The following DLG1 variants were observed in gnomAD, a reference collection of about 807,000 sequenced individuals.
The protein encoded by DLG1 is discs large MAGUK scaffold protein 1.
Under a neutral mutation model 123.4 loss-of-function variants are expected in DLG1, and 42 were observed. The observed-to-expected ratio is 0.34, with a 90% CI of 0.27 to 0.44. The LOEUF (loss-of-function observed/expected upper bound fraction) is 0.44. Ranked by LOEUF, DLG1 falls within the 20% of genes least tolerant of loss-of-function variation. The pLI, the probability that DLG1 is intolerant of heterozygous loss-of-function variation, is 1.00. For synonymous variants in DLG1, 317 were observed against 356.2 expected, an observed-to-expected ratio of 0.89 and a Z score of 1.24; for missense variants, 942 against 1,082.6, an observed-to-expected ratio of 0.87 and a Z score of 1.82.
In DLG1 at chr3:197,109,549, C is replaced by A. The variant is rs529552851; in HGVS notation, c.1444-4544G>T. 3.3e-5 allele frequency among the ~76,000 whole-genome samples: 5 copies of A among 151,982 alleles called. No individual in the cohort carries two copies. In the South Asian group the frequency reaches 1.0e-3, roughly 32 times the overall value. ...AAAAGAGTTGCATATAAAACAATACCCTTATGTTGTTTTATATTTACCTGT... is the reference window on the plus strand; with the variant it reads ...AAAAGAGTTGCATATAAAACAATACACTTATGTTGTTTTATATTTACCTGT... On this transcript the variant is annotated intron_variant, in intron 13 of 24. Transcript: ENST00000667157.
intron 5 of DLG1, among the ~76,000 whole-genome samples, chr3:197,182,339 T>G (rs1338933158): frequency 6.6e-6 from 1 of 152,166 alleles, no homozygotes; most frequent in African/African-American, 2.4e-5. Flanking sequence ...TTCAATAAGT[T>G]TTGATTGTAA....
intron 4 of DLG1, among the ~76,000 whole-genome samples, chr3:197,248,423 T>C (rs1478206672): frequency 6.6e-6 from 1 of 152,172 alleles, no homozygotes; most frequent in Non-Finnish European, 1.5e-5. Context: ...TGAGAGATGC[T>C]TGGAGACCTT....
At position 197,204,068 on chromosome 3, in the gene DLG1, G is replaced by A. The variant is rs116717224; in HGVS notation, c.319-9479C>T. ...CTTGCTCACAACAGGTAGCTCAAGA[G>A]CCAAGAGCTTTTCTGTTCTCCAGCT... On this transcript the variant is annotated intron_variant, in intron 4 of 24. Transcript: ENST00000667157. 8.0e-3 allele frequency among the ~76,000 whole-genome samples: 1,217 copies of A among 152,282 alleles called. 13 individuals are homozygous for A. Among genetic ancestry groups the A allele is most frequent in the African/African-American group, 0.027 (1,111 of 41,552 alleles).
intron 13 of DLG1, among the ~76,000 whole-genome samples, chr3:197,109,193 C>T (rs1768349140): frequency 6.6e-6 from 1 of 152,088 alleles, no homozygotes; most frequent in South Asian, 2.1e-4. Context: ...CAGTGAGACC[C>T]TTATCTCTAA....
At chr3:197,118,315 A>G (rs926011628) in intron 12 of DLG1, among the ~76,000 whole-genome samples, 4 of 152,234 alleles carry the variant, frequency 2.6e-5, no homozygotes, top group African/African-American at 9.6e-5. Context: ...AATGGCAATG[A>G]AAGGTCACTC....
intron 4 of DLG1, among the ~76,000 whole-genome samples, chr3:197,242,773 A>G (rs1749607223): frequency 6.6e-6 from 1 of 152,194 alleles, no homozygotes; most frequent in Non-Finnish European, 1.5e-5. Flanking sequence ...CAAAAGCAGT[A>G]TTAAGCAGGT....
intron 24 of DLG1, among the ~76,000 whole-genome samples, chr3:197,046,150 T>G (rs1722872256): frequency 6.6e-6 from 1 of 152,208 alleles, no homozygotes; most frequent in Admixed American, 6.5e-5. Context: ...TTTGGCATCT[T>G]GATGCACCCC....
intron 14 of DLG1, among the ~76,000 whole-genome samples, chr3:197,102,873 A>T (rs1764282465): frequency 6.6e-6 from 1 of 152,200 alleles, no homozygotes; most frequent in Admixed American, 6.5e-5. Context: ...AAACAAAAAA[A>T]ATTACTTATT....
At chr3:197,149,080 CCT>C (rs1195205763) in intron 6 of DLG1, among the ~76,000 whole-genome samples, 1 of 152,110 alleles carries the variant, frequency 6.6e-6, no homozygotes, top group Admixed American at 6.6e-5. Flanking sequence ...ATAAAATCTA[CCT>C]TTTTAAAGTA....
intron 18 of DLG1, among the ~76,000 whole-genome samples, chr3:197,074,007 G>C (rs1671902482): frequency 6.6e-6 from 1 of 152,006 alleles, no homozygotes; most frequent in Non-Finnish European, 1.5e-5. Flanking sequence ...CTTAACTTCA[G>C]AATGTAAGTA....
chr3:197,062,740 T>G (rs1368511220), intron 22 of DLG1, among the ~76,000 whole-genome samples: 1 of 152,214 alleles, frequency 6.6e-6, no homozygotes, highest in Non-Finnish European at 1.5e-5. Context: ...GCCCCAGATA[T>G]TCTCATGGCT....
chr3:197,249,414 T>G (rs1172895311), intron 4 of DLG1, among the ~76,000 whole-genome samples: 1 of 151,824 alleles, frequency 6.6e-6, no homozygotes, highest in African/African-American at 2.4e-5. Flanking sequence ...AGTCTCCCAT[T>G]CCACTAAATA....
chr3:197,187,285 G>A (rs1296344093), intron 5 of DLG1, among the ~76,000 whole-genome samples: 1 of 152,088 alleles, frequency 6.6e-6, no homozygotes, highest in East Asian at 1.9e-4. Context: ...TTCAAAAACT[G>A]CTCATTATAT....
At chr3:197,119,888 C>G (rs1450838322) in intron 11 of DLG1, among the ~76,000 whole-genome samples, 2 of 149,808 alleles carry the variant, frequency 1.3e-5, no homozygotes, top group Non-Finnish European at 3.0e-5. Flanking sequence ...TCAGATCTGT[C>G]AACCTAATTT....
chr3:197,063,895 G>A (rs1036846711), intron 22 of DLG1, among the ~76,000 whole-genome samples: 50 of 151,174 alleles, frequency 3.3e-4, no homozygotes, highest in African/African-American at 1.2e-3. Context: ...TGATAGGGGA[G>A]AAATTGAATT....
chr3:197,249,612 A>C (rs982764638), intron 4 of DLG1, among the ~76,000 whole-genome samples: 1 of 152,176 alleles, frequency 6.6e-6, no homozygotes, highest in Non-Finnish European at 1.5e-5. Context: ...TAAAACAAAA[A>C]AAGAAAACTA....
intron 24 of DLG1, among the ~76,000 whole-genome samples, chr3:197,049,647 G>A (rs925664092): frequency 2.0e-5 from 3 of 150,424 alleles, no homozygotes; most frequent in African/African-American, 7.2e-5. Context: ...AGCTACTCAG[G>A]AGGCTGAGGC....
At position 197,065,296 on chromosome 3, in the gene DLG1, C is replaced by T. The variant is rs994269079; in HGVS notation, c.2353G>A (p.Val785Ile). 32 of 1,606,434 alleles carry T rather than the reference C, an allele frequency of 2.0e-5. No homozygotes were observed. The highest frequency in any genetic ancestry group is 2.5e-5 in the Non-Finnish European group (30 of 1,177,786). Residue 785 changes from valine (V) to isoleucine (I), a missense_variant, in exon 22 of 25, where the codon GTA becomes ATA. By Grantham distance (29) the Val-to-Ile change is conservative. Transcript: ENST00000667157. ...NHLYGTSVQS[V>I]REVAEKGKHC... ...CTTACCTTTTCTGCTACTTCTCGTA[C>T]AGACTGAACACTTGTTCCATATAGA...
intron 4 of DLG1, among the ~76,000 whole-genome samples, chr3:197,194,803 A>G (rs1038445187): frequency 2.6e-5 from 4 of 152,184 alleles, no homozygotes; most frequent in Admixed American, 1.3e-4. Context: ...ATTCAAAGCT[A>G]GGTGACAAGA....
Sources: gnomAD v4.1 joint callset for allele counts (sites outside exome capture counted in the v4.1 genomes callset) on GRCh38, gnomAD v4.1.1 for gene constraint, MANE v1.5 for transcripts, NCBI Gene and HGNC (gene_info 2026-07-23, HGNC 2026-07-21) for gene names.